The following AKAP19 variants were observed in gnomAD, a reference collection of about 807,000 sequenced individuals.
The protein encoded by AKAP19 is small A-kinase anchoring protein.
chr2:189,924,229 G>T, the AKAP19 span: 3 of 1,499,170 alleles, frequency 2.0e-6, no homozygotes, highest in East Asian at 4.5e-5. Flanking sequence ...ACATAGTGGG[G>T]TTTAGAAATC....
the AKAP19 span, among the ~76,000 whole-genome samples, chr2:190,093,943 C>T: frequency 2.6e-5 from 4 of 152,200 alleles, no homozygotes; most frequent in African/African-American, 7.2e-5. Flanking sequence ...GAAGGGCCTA[C>T]CCTCTGTCCT....
chr2:190,000,167 T>C, the AKAP19 span, among the ~76,000 whole-genome samples: 190 of 152,308 alleles, frequency 1.2e-3, 2 homozygotes, highest in Admixed American at 0.011. Context: ...CCTTTTTACC[T>C]TGAACCTCAG....
the AKAP19 span, chr2:189,917,447 A>G: frequency 5.4e-6 from 4 of 737,486 alleles, no homozygotes; most frequent in East Asian, 1.0e-4. Flanking sequence ...TTCTAGCTCG[A>G]TGTTTTTCAG....
chr2:189,969,885 T>G, the AKAP19 span, among the ~76,000 whole-genome samples: 10 of 147,048 alleles, frequency 6.8e-5, no homozygotes, highest in Non-Finnish European at 1.3e-4. Context: ...TTTTTTTTTT[T>G]TTTTGAGACA....
chr2:190,070,978 A>G, the AKAP19 span, among the ~76,000 whole-genome samples: 1 of 152,166 alleles, frequency 6.6e-6, no homozygotes, highest in Admixed American at 6.5e-5. Flanking sequence ...ATCTCAGCAG[A>G]CCACATAGAT....
the AKAP19 span, chr2:190,201,066 T>C: frequency 6.0e-6 from 1 of 166,552 alleles, no homozygotes; most frequent in East Asian, 1.9e-4. Flanking sequence ...AGATAATGCA[T>C]GAAGATTTAC....
chr2:190,125,112 T>C, the AKAP19 span, among the ~76,000 whole-genome samples: 1 of 152,266 alleles, frequency 6.6e-6, no homozygotes, highest in Admixed American at 6.5e-5. Flanking sequence ...TAACGTCTTT[T>C]TTTTGGAAGT....
chr2:189,922,396 A>G, the AKAP19 span, among the ~76,000 whole-genome samples: 2 of 152,242 alleles, frequency 1.3e-5, no homozygotes, highest in African/African-American at 2.4e-5. Flanking sequence ...TTCGAAAGCT[A>G]TCAGCTTAAT....
At chr2:190,067,069 A>G in the AKAP19 span, among the ~76,000 whole-genome samples, 2 of 152,144 alleles carry the variant, frequency 1.3e-5, no homozygotes, top group Admixed American at 6.5e-5. Flanking sequence ...CTCAAAAACT[A>G]TTTAGAATCC....
chr2:189,990,130 G>A, the AKAP19 span, among the ~76,000 whole-genome samples: 2 of 152,094 alleles, frequency 1.3e-5, no homozygotes, highest in African/African-American at 4.8e-5. Context: ...CATCTTTGTT[G>A]CTTGTTGCAC....
chr2:190,189,822 C>T, the AKAP19 span: 10 of 152,188 alleles, frequency 6.6e-5, no homozygotes, highest in African/African-American at 2.2e-4. Flanking sequence ...AGATAAAGCC[C>T]TTGAACTGGC....
chr2:190,131,471 TC>T, the AKAP19 span, among the ~76,000 whole-genome samples: 2 of 152,300 alleles, frequency 1.3e-5, no homozygotes, highest in Middle Eastern at 3.4e-3. Context: ...GTATGGGAGC[TC>T]CATGTGCCTT....
the AKAP19 span, among the ~76,000 whole-genome samples, chr2:189,908,580 T>A: frequency 6.6e-6 from 1 of 152,208 alleles, no homozygotes; most frequent in Non-Finnish European, 1.5e-5. Flanking sequence ...TATCTTAAGA[T>A]ACTTTCTGAT....
chr2:190,009,047 A>C, the AKAP19 span, among the ~76,000 whole-genome samples: 1 of 152,116 alleles, frequency 6.6e-6, no homozygotes, highest in South Asian at 2.1e-4. Context: ...CTAAAATGGG[A>C]GAGAGAAGAG....
the AKAP19 span, among the ~76,000 whole-genome samples, chr2:189,910,413 G>A: frequency 1.3e-5 from 2 of 151,964 alleles, no homozygotes; most frequent in Non-Finnish European, 2.9e-5. Context: ...ACAGATAGCA[G>A]TATTGTTGCT....
At chr2:189,951,356 C>T in the AKAP19 span, among the ~76,000 whole-genome samples, 80 of 152,118 alleles carry the variant, frequency 5.3e-4, no homozygotes, top group Middle Eastern at 6.8e-3. Flanking sequence ...CATGTGCCAG[C>T]GCACCCGGCT....
chr2:189,972,483 A>G, the AKAP19 span, among the ~76,000 whole-genome samples: 3 of 152,292 alleles, frequency 2.0e-5, no homozygotes, highest in South Asian at 6.2e-4. Context: ...TTGGTTCCAT[A>G]TGAACTTTGA....
the AKAP19 span, among the ~76,000 whole-genome samples, chr2:190,058,751 C>A: frequency 1.3e-5 from 2 of 151,894 alleles, no homozygotes; most frequent in Non-Finnish European, 2.9e-5. Flanking sequence ...AATGGAAAAC[C>A]AAATACCATA....
At chr2:189,921,219 G>A in the AKAP19 span, among the ~76,000 whole-genome samples, 14 of 152,108 alleles carry the variant, frequency 9.2e-5, no homozygotes, top group African/African-American at 3.1e-4. Flanking sequence ...TAGAACTTTA[G>A]TTTTAAAGGT....
Sources: allele counts gnomAD v4.1 joint callset (sites outside exome capture counted in the v4.1 genomes callset), GRCh38; gene constraint gnomAD v4.1.1; transcripts MANE v1.5; gene names NCBI Gene and HGNC (gene_info 2026-07-23, HGNC 2026-07-21).